The following PPP2R3A variants were observed in gnomAD, a reference collection of about 807,000 sequenced individuals.
PPP2R3A encodes the protein serine/threonine-protein phosphatase 2A regulatory subunit B'' subunit alpha.
PPP2R3A carries 80 observed loss-of-function variants against 106.9 expected under a neutral mutation model. The observed-to-expected ratio is 0.75, with a 90% CI of 0.62 to 0.90. The LOEUF (loss-of-function observed/expected upper bound fraction) is 0.90. PPP2R3A is among the 40% of genes least tolerant of loss of function. The pLI, the probability that PPP2R3A is intolerant of heterozygous loss-of-function variation, is 0.00. For synonymous variants in PPP2R3A, 483 were observed against 468.3 expected (o/e 1.03, Z -0.41); for missense variants, 1,386 against 1,350.4 (o/e 1.03, Z -0.41).
At chr3:136,077,497 A>ACCCCC (rs200210870) in intron 6 of PPP2R3A, among the ~76,000 whole-genome samples, 3 of 50,544 alleles carry the variant, frequency 5.9e-5, no homozygotes, top group Non-Finnish European at 8.2e-5. Context: ...AGCAGAATGC[A>ACCCCC]CCCCCCCACC....
rs981307896 is a variant in PPP2R3A, at chr3:136,135,788, C to T, written c.3330-9255C>T. 3.1e-4 allele frequency among the ~76,000 whole-genome samples: 47 copies of T among 152,124 alleles called. 1 individual carries two copies. Among genetic ancestry groups the T allele is most frequent in the African/African-American group, 1.0e-3 (43 of 41,482 alleles). On this transcript the variant is annotated intron_variant, in intron 13 of 13. Transcript: ENST00000264977. ...ATCATGGGCCCACTGCAGTGGCTCA[C>T]GCCTGTAATCTCAACACTTTGGGAG...
intron 4 of PPP2R3A, among the ~76,000 whole-genome samples, chr3:136,041,186 A>G (rs1243261832): frequency 6.7e-6 from 1 of 149,036 alleles, no homozygotes; most frequent in Non-Finnish European, 1.5e-5. Context: ...ATCTGCAGAA[A>G]TCTTTCTTTA....
At chr3:136,068,374 C>G (rs772545440) in intron 5 of PPP2R3A, among the ~76,000 whole-genome samples, 1 of 150,708 alleles carries the variant, frequency 6.6e-6, no homozygotes, top group Non-Finnish European at 1.5e-5. Flanking sequence ...GTAAATAGGC[C>G]GGGCATGGTG....
chr3:135,980,097 A>G (rs6800142), intron 1 of PPP2R3A, among the ~76,000 whole-genome samples: 1,919 of 151,876 alleles, frequency 0.013, 95 homozygotes, highest in African/African-American at 0.044. Flanking sequence ...CTCATCATGA[A>G]TGCCCCGAAA....
rs1371502388 is a variant in PPP2R3A at position 136,002,179 on chromosome 3, A to G, written c.681A>G (p.Thr227=). The G allele has an allele frequency of 6.2e-7, 1 of 1,613,290 alleles. No individual in the cohort carries two copies. Among genetic ancestry groups the G allele is most frequent in the Non-Finnish European group, 8.5e-7 (1 of 1,179,788 alleles). The change falls in exon 2 of 14, where the codon ACA becomes ACG. Residue 227 remains threonine, a synonymous_variant. Transcript: ENST00000264977. ...AAATAGATAATTTTTCTTCTGGGACAGACATAAAGATGTGCTTGGACATCT... is the reference window on the plus strand; with the variant it reads ...AAATAGATAATTTTTCTTCTGGGACGGACATAAAGATGTGCTTGGACATCT... ...KHKIDNFSSG[T]DIKMCLDILL...
Position 135,972,966 on chromosome 3 carries a change from C to T in PPP2R3A, c.-441+7117C>T, listed in dbSNP as rs528410202. Among the ~76,000 whole-genome samples the T allele has an allele frequency of 1.7e-4, 26 of 152,128 alleles. 1 individual carries two copies. In the South Asian group the frequency reaches 4.6e-3, roughly 27 times the overall value. On this transcript the variant is annotated intron_variant, in intron 1 of 13. Transcript: ENST00000264977. The stretch of plus-strand genomic sequence containing the variant: ...TCGTGTGAAGTTGAATTTGTTTTTT[C>T]TTTGATTGTGTATGCTTTTGGCATT...
In PPP2R3A at chr3:136,028,517, G is replaced by C. The variant is rs927797272; in HGVS notation, c.2262+1419G>C. On this transcript the variant is annotated intron_variant, in intron 3 of 13. Coordinates refer to ENST00000264977, the MANE Select transcript of PPP2R3A (RefSeq NM_002718.5). The stretch of plus-strand genomic sequence containing the variant: ...AAGTCACAGAGCTAGTTCATGCCGG[G>C]AGACAAGTTGTCTAACTTCTAGCAC... 2.0e-5 allele frequency among the ~76,000 whole-genome samples: 3 copies of C among 152,296 alleles called. No homozygotes were observed. In the South Asian group the frequency reaches 6.2e-4, roughly 32 times the overall value.
At chr3:136,069,206 G>GTT (rs1237169817) in intron 5 of PPP2R3A, among the ~76,000 whole-genome samples, 8 of 152,254 alleles carry the variant, frequency 5.3e-5, no homozygotes, top group African/African-American at 1.9e-4. Context: ...TTTGTGACTT[G>GTT]TTACCATTAA....
chr3:136,087,474 C>T (rs1936982480), intron 8 of PPP2R3A: 1 of 154,310 alleles, frequency 6.5e-6, no homozygotes, highest in Non-Finnish European at 1.4e-5. Flanking sequence ...TGAAAGCATT[C>T]TCCATTGTTT....
chr3:136,077,642 C>T (rs1936641315), intron 6 of PPP2R3A, among the ~76,000 whole-genome samples: 1 of 152,038 alleles, frequency 6.6e-6, no homozygotes, highest in African/African-American at 2.4e-5. Context: ...GCACTGTGAC[C>T]TCCTACCTCC....
At chr3:136,091,372 T>C (rs532134630) in intron 10 of PPP2R3A, among the ~76,000 whole-genome samples, 77 of 152,322 alleles carry the variant, frequency 5.1e-4, no homozygotes, top group African/African-American at 1.8e-3. Context: ...GCCAGAACTT[T>C]GGGAAGCCAA....
At chr3:135,979,078 A>G (rs1362172551) in intron 1 of PPP2R3A, among the ~76,000 whole-genome samples, 1 of 151,796 alleles carries the variant, frequency 6.6e-6, no homozygotes, top group Non-Finnish European at 1.5e-5. Context: ...TTGCAGTATT[A>G]CTTTTAAAAT....
intron 5 of PPP2R3A, among the ~76,000 whole-genome samples, chr3:136,065,296 T>C (rs1576475027): frequency 6.6e-6 from 1 of 152,270 alleles, no homozygotes; most frequent in East Asian, 1.9e-4. Context: ...TTTTATTAAA[T>C]ATATGTTTAG....
At chr3:136,091,303 G>A (rs1937089496) in intron 10 of PPP2R3A, among the ~76,000 whole-genome samples, 1 of 152,204 alleles carries the variant, frequency 6.6e-6, no homozygotes, top group East Asian at 1.9e-4. Flanking sequence ...TCTTAATATT[G>A]ATTCGAAAAG....
At chr3:136,134,867 T>C (rs1938545847) in intron 13 of PPP2R3A, among the ~76,000 whole-genome samples, 6 of 152,112 alleles carry the variant, frequency 3.9e-5, no homozygotes. Flanking sequence ...GTTTTATCAC[T>C]TTGGAGTATA....
chr3:136,051,369 G>A (rs545281683), intron 5 of PPP2R3A, among the ~76,000 whole-genome samples: 4 of 152,180 alleles, frequency 2.6e-5, no homozygotes, highest in South Asian at 4.1e-4. Context: ...CGCTCTTGTC[G>A]CCCAGGCTGG....
At chr3:136,014,913 G>A (rs1361876917) in intron 2 of PPP2R3A, among the ~76,000 whole-genome samples, 3 of 152,088 alleles carry the variant, frequency 2.0e-5, no homozygotes, top group Non-Finnish European at 4.4e-5. Flanking sequence ...ACTGCTCAGG[G>A]GGAGTCCTTT....
intron 2 of PPP2R3A, 54 bp from the exon 3 acceptor site, chr3:136,026,778 G>C: frequency 6.7e-7 from 1 of 1,482,450 alleles, no homozygotes; most frequent in Non-Finnish European, 9.1e-7. Flanking sequence ...AGAATTTTCA[G>C]TAAATGAATA....
intron 13 of PPP2R3A, among the ~76,000 whole-genome samples, chr3:136,116,956 C>T (rs907286975): frequency 4.6e-5 from 7 of 152,230 alleles, no homozygotes; most frequent in Non-Finnish European, 7.3e-5. Flanking sequence ...CACCACATCG[C>T]ACTTATTCTA....
Sources: gnomAD v4.1 joint callset for allele counts (sites outside exome capture counted in the v4.1 genomes callset) on GRCh38, gnomAD v4.1.1 for gene constraint, MANE v1.5 for transcripts, NCBI Gene and HGNC (gene_info 2026-07-23, HGNC 2026-07-21) for gene names.